The following MSL3 variants were observed in gnomAD, a reference collection of about 807,000 sequenced individuals.
MSL3 encodes MSL complex subunit 3.
MSL3 carries 5 observed loss-of-function variants against 37.2 expected under a neutral mutation model. The ratio of observed to expected loss-of-function variants is 0.13; its 90% CI spans 0.07 to 0.28. The LOEUF is 0.28. Among genes scored for constraint, MSL3 ranks in the 10% least tolerant of loss-of-function variants. MSL3 has a pLI of 1.00. For missense variants in MSL3, 315 were observed against 408.5 expected, an observed-to-expected ratio of 0.77 and a Z score of 1.97; for synonymous variants, 149 against 147.6, an observed-to-expected ratio of 1.01 and a Z score of -0.07.
chrX:11,774,645 TTGAACAACAGAAAAATGTAGA>T (rs746012110), intron 12 of MSL3, among the ~76,000 whole-genome samples: 4 of 111,979 alleles, frequency 3.6e-5, no homozygotes, highest in Admixed American at 9.4e-5. Flanking sequence ...AATAGTTTGT[TTGAACAACAGAAAAATGTAGA>T]AACATTCATG....
At position 11,768,637 on chromosome X, in the gene MSL3, T is replaced by C. The variant is rs1167912611; in HGVS notation, c.1236T>C (p.Ala412=). ...TGACTCCTAGCAAGGAAGGGAGTGCTGTGTTTGCTGGCTTTGAAGGGAGAA... is the reference window on the plus strand; with the variant it reads ...TGACTCCTAGCAAGGAAGGGAGTGCCGTGTTTGCTGGCTTTGAAGGGAGAA... ...IPLTPSKEGS[A]VFAGFEGRRT... Residue 412 remains alanine (A), a synonymous_variant, in exon 10 of 13, where the codon GCT becomes GCC. Coordinates refer to ENST00000312196, the MANE Select transcript of MSL3 (RefSeq NM_078629.4). 2 of 1,207,165 alleles carry C rather than the reference T, an allele frequency of 1.7e-6. No homozygotes were observed. Among genetic ancestry groups the C allele is most frequent in the South Asian group, 3.5e-5 (2 of 56,887 alleles).
At chrX:11,770,857 G>A (rs753709585) in intron 10 of MSL3, among the ~76,000 whole-genome samples, 1 of 112,577 alleles carries the variant, frequency 8.9e-6, no homozygotes, top group Non-Finnish European at 1.9e-5. Flanking sequence ...ATGCCTCTGA[G>A]ATTGCAAAGT....
chrX:11,760,079 CTTCT>C (rs1227523281), intron 2 of MSL3: 1 of 436,085 alleles, frequency 2.3e-6, no homozygotes, highest in Non-Finnish European at 3.7e-6. Context: ...GCGTTGCAAA[CTTCT>C]TTAAGTTTTA....
At chrX:11,760,810 T>C in intron 3 of MSL3, 27 bp from the exon 4 acceptor site, 2 of 1,138,350 alleles carry the variant, frequency 1.8e-6, no homozygotes, top group East Asian at 3.1e-5. Flanking sequence ...TCAAAACTTA[T>C]TTCAGTTGTT....
At chrX:11,767,965 ATCTTTT>A in intron 9 of MSL3, 1 of 740,387 alleles carries the variant, frequency 1.4e-6, no homozygotes, top group Non-Finnish European at 1.6e-6. Flanking sequence ...ATAAAGTGCT[ATCTTTT>A]TCTGTTTCTC....
intron 1 of MSL3, chrX:11,758,583 C>T (rs2053095638): frequency 1.8e-6 from 2 of 1,115,646 alleles, no homozygotes; most frequent in African/African-American, 1.8e-5. Context: ...CCGGGCGGCG[C>T]ACGCGCGGTT....
intron 10 of MSL3, among the ~76,000 whole-genome samples, chrX:11,771,320 T>A (rs934232759): frequency 9.0e-6 from 1 of 111,278 alleles, no homozygotes; most frequent in Non-Finnish European, 1.9e-5. Context: ...CATCAGAGAG[T>A]TTTGAAATGC....
At chrX:11,770,184 A>C (rs139734760) in intron 10 of MSL3, among the ~76,000 whole-genome samples, 3,320 of 111,950 alleles carry the variant, frequency 0.03, 40 homozygotes, top group Middle Eastern at 0.047. Flanking sequence ...TTCCCCAACC[A>C]TTTTGAACAT....
At position 11,775,225 on chromosome X, in the gene MSL3, C is replaced by T; in HGVS notation, c.*146C>T. ...CTCTGTTGTTTGAGTTGCCCACATA[C>T]TGCAGTTATTCTGTTAGGAATGATT... On this transcript the variant is annotated 3_prime_UTR_variant, in exon 13 of 13. Coordinates refer to ENST00000312196, the MANE Select transcript of MSL3 (RefSeq NM_078629.4). The T allele has an allele frequency of 2.3e-6, 1 of 443,664 alleles. No homozygotes were observed. The allele number at this position is 443,664 out of a possible 1,213,427, so 36.6% of individuals were successfully genotyped here.
chrX:11,775,147 T>A lies in MSL3; in HGVS notation c.*68T>A. ...GCGCTCTGGGTTCCAGGTGAATAACTAACAAGGTGGTGGGTCTTTACCCAC... is the reference window on the plus strand; with the variant it reads ...GCGCTCTGGGTTCCAGGTGAATAACAAACAAGGTGGTGGGTCTTTACCCAC... On this transcript the variant is annotated 3_prime_UTR_variant, in exon 13 of 13. Coordinates refer to ENST00000312196, the MANE Select transcript of MSL3 (RefSeq NM_078629.4). The A allele has an allele frequency of 1.2e-6, 1 of 820,265 alleles. No individual in the cohort carries two copies. Among genetic ancestry groups the A allele is most frequent in the Non-Finnish European group, 1.8e-6 (1 of 548,482 alleles). 67.6% of individuals were successfully genotyped at this position (820,265 alleles called of 1,213,427 possible). A position where few individuals can be genotyped will look rare whatever the true frequency, so the allele number is the denominator to read the frequency against.
intron 8 of MSL3, among the ~76,000 whole-genome samples, chrX:11,765,029 G>A (rs749919647): frequency 1.8e-5 from 2 of 112,866 alleles, no homozygotes; most frequent in Non-Finnish European, 3.7e-5. Flanking sequence ...TTTCAACGAG[G>A]TGGTAGGGTA....
intron 10 of MSL3, 88 bp from the exon 11 acceptor site, chrX:11,772,068 C>T: frequency 4.8e-6 from 3 of 629,074 alleles, no homozygotes; most frequent in Admixed American, 5.9e-5. Flanking sequence ...TTTTTCCCCT[C>T]TACGTACAAT....
At position 11,759,837 on chromosome X, in the gene MSL3, C is replaced by T. The variant is rs1210990388; in HGVS notation, c.147C>T (p.Ile49=). 1 of 1,209,822 alleles carries T rather than the reference C, an allele frequency of 8.3e-7. No individual in the cohort carries two copies. Among genetic ancestry groups the T allele is most frequent in the African/African-American group, 1.7e-5 (1 of 57,379 alleles). ...IVGKDEKGRK[I]PEYLIHFNGW... ...GGAAAGACGAAAAAGGCAGAAAGAT[C>T]CCAGAATATCTGATCCATTTTAATG... The change falls in exon 2 of 13, where the codon ATC becomes ATT. Residue 49 remains isoleucine, a synonymous_variant. Transcript: ENST00000312196.
At chrX:11,772,555 G>A (rs2053240961) in intron 11 of MSL3, 66 bp from the exon 12 acceptor site, 1 of 780,484 alleles carries the variant, frequency 1.3e-6, no homozygotes, top group East Asian at 3.2e-5. Flanking sequence ...GACCTTCCCT[G>A]AGTGAATCCT....
chrX:11,766,384 G>A (rs908300735), intron 9 of MSL3: 2 of 752,736 alleles, frequency 2.7e-6, no homozygotes, highest in African/African-American at 4.6e-5. Context: ...TTCAAAAACT[G>A]CTAAAACAGG....
At chrX:11,761,817 T>C (rs1191415931) in intron 5 of MSL3, among the ~76,000 whole-genome samples, 1 of 112,485 alleles carries the variant, frequency 8.9e-6, no homozygotes, top group Non-Finnish European at 1.9e-5. Context: ...TATCTTTCTT[T>C]CCAGTCAAAT....
chrX:11,769,846 T>TC (rs1223062619), intron 10 of MSL3, among the ~76,000 whole-genome samples: 1 of 112,292 alleles, frequency 8.9e-6, no homozygotes, highest in East Asian at 2.8e-4. Context: ...GCTCAAGTGA[T>TC]CCTCCCGCCT....
intron 9 of MSL3, chrX:11,767,759 A>G (rs73632658): frequency 0.019 from 5,534 of 292,757 alleles, 302 homozygotes; most frequent in African/African-American, 0.15. Context: ...ATCGACTAGC[A>G]GTTACTCATT....
intron 10 of MSL3, among the ~76,000 whole-genome samples, chrX:11,771,042 G>C (rs1181474243): frequency 1.8e-5 from 2 of 112,651 alleles, no homozygotes; most frequent in Non-Finnish European, 3.8e-5. Flanking sequence ...GGCCTGTCTA[G>C]GCAGGGGCCA....
Sources: gnomAD v4.1 joint callset for allele counts (sites outside exome capture counted in the v4.1 genomes callset) on GRCh38, gnomAD v4.1.1 for gene constraint, MANE v1.5 for transcripts, NCBI Gene and HGNC (gene_info 2026-07-23, HGNC 2026-07-21) for gene names.